SGMS1: variants seen among roughly 807,000 people sequenced by gnomAD.
SGMS1 encodes the protein sphingomyelin synthase 1, also known as phosphatidylcholine:ceramide cholinephosphotransferase 1.
Under a neutral mutation model 46.2 loss-of-function variants are expected in SGMS1, and 13 were observed. That is an observed-to-expected ratio of 0.28 (90% CI 0.18 to 0.45). The LOEUF (loss-of-function observed/expected upper bound fraction) is 0.45. Ranked by LOEUF, SGMS1 falls within the 20% of genes least tolerant of loss-of-function variation. SGMS1 has a pLI of 1.00. For missense variants in SGMS1, 324 were observed against 519.9 expected, an observed-to-expected ratio of 0.62 and a Z score of 3.66; for synonymous variants, 203 against 187.8, an observed-to-expected ratio of 1.08 and a Z score of -0.66.
At chr10:50,574,985 A>ATATATATATATAT (rs58462802) in intron 2 of SGMS1, among the ~76,000 whole-genome samples, 7 of 143,052 alleles carry the variant, frequency 4.9e-5, no homozygotes, top group South Asian at 2.2e-4. Flanking sequence ...ATATATATAT[A>ATATATATATATAT]AAACAAAGTA....
intron 1 of SGMS1, among the ~76,000 whole-genome samples, chr10:50,602,487 T>C (rs1838658066): frequency 6.6e-6 from 1 of 152,154 alleles, no homozygotes; most frequent in Non-Finnish European, 1.5e-5. Flanking sequence ...TTGTGTGTTA[T>C]ATCAGGGGAA....
intron 2 of SGMS1, among the ~76,000 whole-genome samples, chr10:50,537,902 C>T (rs888625173): frequency 4.6e-5 from 7 of 152,084 alleles, no homozygotes; most frequent in Non-Finnish European, 8.8e-5. Context: ...CTTATTTACC[C>T]TACAAGTAAC....
intron 2 of SGMS1, among the ~76,000 whole-genome samples, chr10:50,523,936 C>T (rs761163823): frequency 7.9e-5 from 12 of 152,240 alleles, no homozygotes; most frequent in Non-Finnish European, 1.8e-4. Flanking sequence ...ATTCCAAACA[C>T]AGTTTGCAGA....
At chr10:50,441,773 C>T (rs1328771271) in intron 5 of SGMS1, among the ~76,000 whole-genome samples, 2 of 152,200 alleles carry the variant, frequency 1.3e-5, no homozygotes, top group African/African-American at 4.8e-5. Context: ...TAGAAAATTC[C>T]TTAGCAGTAG....
intron 7 of SGMS1, among the ~76,000 whole-genome samples, chr10:50,333,643 T>C (rs1483702906): frequency 1.3e-5 from 2 of 152,136 alleles, no homozygotes; most frequent in Non-Finnish European, 2.9e-5. Context: ...AATTCAGTAC[T>C]TTAGGAGAGA....
intron 3 of SGMS1, among the ~76,000 whole-genome samples, chr10:50,497,251 A>G (rs915399979): frequency 3.3e-5 from 5 of 152,246 alleles, no homozygotes; most frequent in Non-Finnish European, 7.3e-5. Flanking sequence ...AAGTTGTCTA[A>G]TAAGGATCAT....
chr10:50,347,718 C>A (rs146498753), intron 6 of SGMS1, among the ~76,000 whole-genome samples: 2 of 152,188 alleles, frequency 1.3e-5, no homozygotes, highest in African/African-American at 4.8e-5. Context: ...CCCCCTTGCC[C>A]AGCACAGGAA....
intron 3 of SGMS1, among the ~76,000 whole-genome samples, chr10:50,491,074 C>T (rs915245443): frequency 8.5e-5 from 13 of 152,202 alleles, no homozygotes; most frequent in African/African-American, 3.1e-4. Flanking sequence ...CAGCCAGGTA[C>T]AGTGGCTCAT....
intron 3 of SGMS1, among the ~76,000 whole-genome samples, chr10:50,481,172 C>T (rs897244753): frequency 3.2e-4 from 49 of 152,246 alleles, no homozygotes; most frequent in East Asian, 3.8e-4. Context: ...ACACCCACTT[C>T]GCCAAGAGGC....
rs369146259 is a variant in SGMS1 at position 50,327,174 on chromosome 10, G to A, written c.741+31C>T. 184 of 1,373,396 alleles carry A rather than the reference G, an allele frequency of 1.3e-4. 1 individual carries two copies. The highest frequency in any genetic ancestry group is 5.3e-4 in the Middle Eastern group (3 of 5,636). 85.1% of individuals were successfully genotyped at this position (1,373,396 alleles called of 1,614,324 possible). ...CCCAGGGCAAGACAAGAAACAAACAGAAAGCGAAATTACAGCGAGGAATAG... is the reference window on the plus strand; with the variant it reads ...CCCAGGGCAAGACAAGAAACAAACAAAAAGCGAAATTACAGCGAGGAATAG... On this transcript the variant is annotated intron_variant, in intron 8 of 10. Transcript: ENST00000361781.
At chr10:50,579,712 T>C (rs540591083) in intron 2 of SGMS1, among the ~76,000 whole-genome samples, 7 of 152,308 alleles carry the variant, frequency 4.6e-5, no homozygotes, top group Admixed American at 1.3e-4. Flanking sequence ...ACCTCCCATA[T>C]GAAATTTTCT....
chr10:50,506,554 A>G (rs1369781911), intron 3 of SGMS1, among the ~76,000 whole-genome samples: 1 of 152,190 alleles, frequency 6.6e-6, no homozygotes, highest in African/African-American at 2.4e-5. Flanking sequence ...GTGTCTGCTC[A>G]GTTTCATTTC....
chr10:50,524,766 C>CA (rs1252886163), intron 2 of SGMS1, among the ~76,000 whole-genome samples: 1 of 152,130 alleles, frequency 6.6e-6, no homozygotes, highest in African/African-American at 2.4e-5. Flanking sequence ...TTACAAACAG[C>CA]ATGAAACATA....
At chr10:50,354,690 C>A (rs1293017929) in intron 6 of SGMS1, among the ~76,000 whole-genome samples, 1 of 152,164 alleles carries the variant, frequency 6.6e-6, no homozygotes, top group African/African-American at 2.4e-5. Context: ...GCAATCTACT[C>A]ATCTGACAAA....
At chr10:50,408,509 C>A (rs1849053950) in intron 6 of SGMS1, among the ~76,000 whole-genome samples, 1 of 151,610 alleles carries the variant, frequency 6.6e-6, no homozygotes, top group Non-Finnish European at 1.5e-5. Context: ...CGGTGAAACC[C>A]CATCTCTACT....
chr10:50,578,619 A>G (rs1430873328), intron 2 of SGMS1, among the ~76,000 whole-genome samples: 1 of 152,228 alleles, frequency 6.6e-6, no homozygotes, highest in Non-Finnish European at 1.5e-5. Context: ...GCTTTAAAAA[A>G]TAATAGAACA....
intron 2 of SGMS1, among the ~76,000 whole-genome samples, chr10:50,520,509 C>T (rs1423720792): frequency 1.3e-5 from 2 of 152,178 alleles, no homozygotes; most frequent in Non-Finnish European, 2.9e-5. Context: ...CAGACTAGCA[C>T]CATTTTAAAA....
rs927650486 is a variant in SGMS1, at chr10:50,548,964, T to G, written c.-588-29043A>C. Among the ~76,000 whole-genome samples the G allele has an allele frequency of 1.9e-4, 29 of 152,122 alleles. 2 individuals are homozygous for G. The highest frequency in any genetic ancestry group is 1.9e-3 in the Admixed American group (29 of 15,270). ...GAAAAAAAGCTTCATCACTGATCAT[T>G]AGAGAAATGCAAATCAAAACCACAA... On this transcript the variant is annotated intron_variant, in intron 2 of 10. Transcript: ENST00000361781.
chr10:50,357,641 T>C (rs1222390004), intron 6 of SGMS1, among the ~76,000 whole-genome samples: 1 of 152,176 alleles, frequency 6.6e-6, no homozygotes, highest in Non-Finnish European at 1.5e-5. Flanking sequence ...ACTTATTCTA[T>C]TAGTTAAGGG....
Sources: gnomAD v4.1 joint callset for allele counts (sites outside exome capture counted in the v4.1 genomes callset) on GRCh38, gnomAD v4.1.1 for gene constraint, MANE v1.5 for transcripts, NCBI Gene and HGNC (gene_info 2026-07-23, HGNC 2026-07-21) for gene names.